ATXN1: variants seen among roughly 807,000 people sequenced by gnomAD.
ATXN1 encodes the protein ataxin 1.
ATXN1 carries 8 observed loss-of-function variants against 56.4 expected under a neutral mutation model. That is an observed-to-expected ratio of 0.14 (90% CI 0.08 to 0.26). ATXN1 has a LOEUF of 0.26. Ranked by LOEUF, ATXN1 falls within the 10% of genes least tolerant of loss-of-function variation. The pLI is 1.00. For synonymous variants in ATXN1, 514 were observed against 494.6 expected, an observed-to-expected ratio of 1.04 and a Z score of -0.52; for missense variants, 987 against 1,106.5, an observed-to-expected ratio of 0.89 and a Z score of 1.53.
chr6:16,411,324 T>C (rs1758795368), intron 6 of ATXN1, among the ~76,000 whole-genome samples: 1 of 152,088 alleles, frequency 6.6e-6, no homozygotes, highest in Non-Finnish European at 1.5e-5. Context: ...CTATCTCTAT[T>C]TACTACTACC....
intron 6 of ATXN1, among the ~76,000 whole-genome samples, chr6:16,474,769 T>C (rs1358168807): frequency 6.6e-6 from 1 of 152,142 alleles, no homozygotes; most frequent in African/African-American, 2.4e-5. Context: ...TTCTCATTTC[T>C]TTCCCCAGTG....
chr6:16,483,272 G>A (rs981972042), intron 6 of ATXN1, among the ~76,000 whole-genome samples: 2 of 152,192 alleles, frequency 1.3e-5, no homozygotes, highest in Non-Finnish European at 2.9e-5. Context: ...AAGGACTGCT[G>A]AGCATGGGAA....
intron 6 of ATXN1, among the ~76,000 whole-genome samples, chr6:16,438,421 A>G (rs1308664266): frequency 6.6e-6 from 1 of 152,248 alleles, no homozygotes; most frequent in Non-Finnish European, 1.5e-5. Context: ...ACAACACATA[A>G]TAGGACACAG....
chr6:16,622,199 A>T (rs1242070389), intron 3 of ATXN1, among the ~76,000 whole-genome samples: 2 of 152,222 alleles, frequency 1.3e-5, no homozygotes, highest in Non-Finnish European at 1.5e-5. Flanking sequence ...GTGTAAGTGC[A>T]ATAAGGAAAA....
intron 6 of ATXN1, among the ~76,000 whole-genome samples, chr6:16,425,171 G>C (rs886787473): frequency 6.6e-6 from 1 of 152,134 alleles, no homozygotes; most frequent in African/African-American, 2.4e-5. Context: ...CTGTGAAACA[G>C]AGCACAAATT....
intron 6 of ATXN1, among the ~76,000 whole-genome samples, chr6:16,426,763 T>C (rs1301511621): frequency 6.6e-6 from 1 of 152,034 alleles, no homozygotes; most frequent in Non-Finnish European, 1.5e-5. Context: ...GTTTTTTCCT[T>C]TCTTGTTTCC....
intron 2 of ATXN1, among the ~76,000 whole-genome samples, chr6:16,729,558 T>C (rs1581399646): frequency 6.6e-6 from 1 of 152,166 alleles, no homozygotes; most frequent in Non-Finnish European, 1.5e-5. Flanking sequence ...TTTACAGCAA[T>C]GCAACTTAAA....
intron 3 of ATXN1, among the ~76,000 whole-genome samples, chr6:16,620,382 A>G (rs186857643): frequency 2.5e-4 from 38 of 152,050 alleles, no homozygotes; most frequent in Middle Eastern, 3.4e-3. Context: ...ATATTGTGCT[A>G]TCGTTTAGTG....
In ATXN1 at chr6:16,468,342, C is replaced by T. The variant is rs140684682; in HGVS notation, c.-161+17630G>A. Among the ~76,000 whole-genome samples, 11 of 152,252 alleles carry T rather than the reference C, an allele frequency of 7.2e-5. No individual in the cohort carries two copies. The East Asian group carries it at 7.7e-4, about 11-fold the overall frequency. On this transcript the variant is annotated intron_variant, in intron 6 of 7. Transcript: ENST00000436367. ...CTGGGACTACAGGCGCATGCCACCA[C>T]GCGTGGCTAATTTGGTTTTTGTATT...
intron 6 of ATXN1, among the ~76,000 whole-genome samples, chr6:16,438,532 A>T (rs1561895774): frequency 6.6e-6 from 1 of 152,188 alleles, no homozygotes; most frequent in Non-Finnish European, 1.5e-5. Flanking sequence ...GTAGACAGTA[A>T]ATTTTAATTA....
intron 3 of ATXN1, among the ~76,000 whole-genome samples, chr6:16,603,083 G>A (rs914324569): frequency 2.0e-5 from 3 of 152,132 alleles, no homozygotes; most frequent in African/African-American, 7.2e-5. Flanking sequence ...AAAAGCAGCC[G>A]ACTGGGATTG....
At chr6:16,536,866 G>A (rs2092053185) in intron 4 of ATXN1, among the ~76,000 whole-genome samples, 1 of 152,068 alleles carries the variant, frequency 6.6e-6, no homozygotes, top group Admixed American at 6.5e-5. Flanking sequence ...TGGCTTGGAT[G>A]GATTTCAGCA....
intron 2 of ATXN1, among the ~76,000 whole-genome samples, chr6:16,730,734 C>T (rs766031713): frequency 1.6e-4 from 25 of 152,034 alleles, no homozygotes; most frequent in Non-Finnish European, 3.5e-4. Context: ...TTGTGAACTT[C>T]AGTTATTGCC....
chr6:16,588,655 G>A (rs751479518), intron 3 of ATXN1, among the ~76,000 whole-genome samples: 2 of 152,104 alleles, frequency 1.3e-5, no homozygotes, highest in South Asian at 2.1e-4. Context: ...TTTCCCCCAC[G>A]AATCAATAAA....
Position 16,701,717 on chromosome 6 carries a change from G to A in ATXN1, c.-614-43816C>T, listed in dbSNP as rs138725881. 5.9e-5 allele frequency among the ~76,000 whole-genome samples: 9 copies of A among 152,264 alleles called. No homozygotes were observed. The East Asian group carries it at 1.7e-3, about 29-fold the overall frequency. On this transcript the variant is annotated intron_variant, in intron 2 of 7. Transcript: ENST00000436367. ...AGACAAACAGAGAGCCAAATCATGA[G>A]TGACCTCCTATTCACAACTGCTTCA... is the stretch of plus-strand genomic sequence containing the variant.
Position 16,335,223 on chromosome 6 carries a change from T to G in ATXN1, c.-160-6753A>C, listed in dbSNP as rs184984670. On this transcript the variant is annotated intron_variant, in intron 6 of 7. Transcript: ENST00000436367. ...TGGAAACTGACTATTGACCTTCTCT[T>G]CCATGTCTATCTAAGCGTGGAGCTT... 4.6e-5 allele frequency among the ~76,000 whole-genome samples: 7 copies of G among 152,370 alleles called. No individual in the cohort carries two copies. In the East Asian group the frequency reaches 1.3e-3, roughly 29 times the overall value.
intron 2 of ATXN1, among the ~76,000 whole-genome samples, chr6:16,727,518 T>C (rs779827787): frequency 5.9e-5 from 9 of 152,058 alleles, no homozygotes; most frequent in African/African-American, 1.7e-4. Context: ...TAAGTACTTA[T>C]AAAAAAATTT....
rs561764385 is a variant in ATXN1, at chr6:16,451,895, T to C, written c.-161+34077A>G. ...TGTTTAAAAGGTTGCTATCCTCCTG[T>C]TTCTATCTTCAGTCTTGCTGTCTTT... On this transcript the variant is annotated intron_variant, in intron 6 of 7. Transcript: ENST00000436367. Among the ~76,000 whole-genome samples, 5 of 152,314 alleles carry C rather than the reference T, an allele frequency of 3.3e-5. No individual in the cohort carries two copies. In the South Asian group the frequency reaches 1.0e-3, roughly 32 times the overall value.
At chr6:16,609,102 T>C (rs1763060670) in intron 3 of ATXN1, among the ~76,000 whole-genome samples, 1 of 152,172 alleles carries the variant, frequency 6.6e-6, no homozygotes, top group Admixed American at 6.5e-5. Flanking sequence ...ATCAGAAATG[T>C]GTGTTGGGAT....
Sources: allele counts gnomAD v4.1 joint callset (sites outside exome capture counted in the v4.1 genomes callset), GRCh38; gene constraint gnomAD v4.1.1; transcripts MANE v1.5; gene names NCBI Gene and HGNC (gene_info 2026-07-23, HGNC 2026-07-21).